Variants in OXR1 observed in about 807,000 individuals in gnomAD.
OXR1 encodes the protein oxidation resistance 1, also known as oxidation resistance protein 1.
In OXR1, 41 loss-of-function variants were observed where a neutral mutation model predicts 104.6. The observed-to-expected ratio is 0.39, with a 90% CI of 0.31 to 0.51. OXR1 has a LOEUF of 0.51. OXR1 is among the 20% of genes least tolerant of loss of function. OXR1 has a pLI of 0.77. For missense variants in OXR1, 955 were observed against 1,031.9 expected (o/e 0.93, Z 1.02); for synonymous variants, 348 against 348.4 (o/e 1.00, Z 0.01).
At chr8:106,506,322 A>T (rs1812152841) in intron 2 of OXR1, among the ~76,000 whole-genome samples, 1 of 152,208 alleles carries the variant, frequency 6.6e-6, no homozygotes. Context: ...AGGTAAAAAC[A>T]GAGAGTTTTG....
At chr8:106,445,883 T>C in intron 2 of OXR1, among the ~76,000 whole-genome samples, 1 of 152,214 alleles carries the variant, frequency 6.6e-6, no homozygotes, top group Non-Finnish European at 1.5e-5. Context: ...AGCCAGGCTA[T>C]GTCCTTTCTT....
intron 2 of OXR1, among the ~76,000 whole-genome samples, chr8:106,466,904 T>A (rs1821202287): frequency 2.0e-5 from 3 of 151,968 alleles, no homozygotes; most frequent in Admixed American, 2.0e-4. Flanking sequence ...TTATTTGATA[T>A]TGTACAGCTG....
Position 106,706,778 on chromosome 8 carries a change from G to A in OXR1, c.1257G>A (p.Met419Ile). ...AAACTGATTTAAATAATCTTGAAATGGCCATTAAGGAAGATCAGATTGCAG... is the reference window on the plus strand; with the variant it reads ...AAACTGATTTAAATAATCTTGAAATAGCCATTAAGGAAGATCAGATTGCAG... ...CHKTDLNNLE[M>I]AIKEDQIADN... The change falls in exon 9 of 17, where the codon ATG becomes ATA. Residue 419 changes from methionine to isoleucine, a missense_variant. Met to Ile is a conservative substitution (Grantham distance 10, BLOSUM62 1). This residue lies in a region of OXR1 where 849 missense variants were observed against 852.9 expected (regional missense o/e 1.00). Transcript: ENST00000517566. 1 of 1,612,474 alleles carries A rather than the reference G, an allele frequency of 6.2e-7. No homozygotes were observed. The highest frequency in any genetic ancestry group is 2.2e-5 in the East Asian group (1 of 44,854).
At chr8:106,318,853 A>G (rs532601297) in intron 1 of OXR1, among the ~76,000 whole-genome samples, 88 of 152,332 alleles carry the variant, frequency 5.8e-4, no homozygotes, top group Non-Finnish European at 1.1e-3. Flanking sequence ...TAAAGGAGAG[A>G]AATAAATGAA....
At chr8:106,387,720 T>C (rs939219495) in intron 2 of OXR1, among the ~76,000 whole-genome samples, 2 of 152,170 alleles carry the variant, frequency 1.3e-5, no homozygotes, top group Non-Finnish European at 2.9e-5. Flanking sequence ...AAATAGATCA[T>C]TGGAGGACAC....
At position 106,751,700 on chromosome 8, in the gene OXR1, A is replaced by G. The variant is rs28924709; in HGVS notation, c.*759A>G. The G allele has an allele frequency of 0.022, 3,412 of 152,668 alleles. 41 individuals are homozygous for G. The highest frequency in any genetic ancestry group is 0.039 in the East Asian group (202 of 5,190). 9.5% of individuals were successfully genotyped at this position (152,668 alleles called of 1,614,324 possible). Reference sequence around the variant, plus strand: ...ATTTAATATATTAGCAAGAAAACATACTATTTACATATGTGTAGCTTAGTA... The same window carrying G: ...ATTTAATATATTAGCAAGAAAACATGCTATTTACATATGTGTAGCTTAGTA... On this transcript the variant is annotated 3_prime_UTR_variant, in exon 17 of 17. Transcript: ENST00000517566.
rs1474495157 is a variant in OXR1, at chr8:106,752,143, G to A, written c.*1202G>A. 6.6e-6 allele frequency: 1 copy of A among 152,528 alleles called. No individual in the cohort carries two copies. The highest frequency in any genetic ancestry group is 2.4e-5 in the African/African-American group (1 of 41,442). The allele number at this position is 152,528 out of a possible 1,614,324, so 9.4% of individuals were successfully genotyped here. ...ATGTTATGCAAAAAAGAATCCTGCT[G>A]TTATACATGTGACAGTGACTTTGTG... On this transcript the variant is annotated 3_prime_UTR_variant, in exon 17 of 17. Transcript: ENST00000517566.
intron 3 of OXR1, among the ~76,000 whole-genome samples, chr8:106,583,495 C>T (rs970733217): frequency 3.9e-5 from 6 of 152,048 alleles, no homozygotes; most frequent in South Asian, 2.1e-4. Flanking sequence ...TAAAAGATGG[C>T]GGATTAAATG....
intron 3 of OXR1, among the ~76,000 whole-genome samples, chr8:106,663,203 A>G (rs753530564): frequency 6.6e-6 from 1 of 152,214 alleles, no homozygotes; most frequent in Non-Finnish European, 1.5e-5. Flanking sequence ...ACCTGATGAC[A>G]TAGTACTATT....
At chr8:106,436,425 A>C (rs1819571475) in intron 2 of OXR1, among the ~76,000 whole-genome samples, 1 of 152,082 alleles carries the variant, frequency 6.6e-6, no homozygotes, top group African/African-American at 2.4e-5. Context: ...TTTAAAATCC[A>C]AATAGCCACC....
chr8:106,463,910 A>G (rs1305464386), intron 2 of OXR1, among the ~76,000 whole-genome samples: 1 of 152,134 alleles, frequency 6.6e-6, no homozygotes, highest in African/African-American at 2.4e-5. Context: ...TGTGTAGCAC[A>G]GAGTCAATTA....
intron 8 of OXR1, among the ~76,000 whole-genome samples, chr8:106,704,798 C>T (rs776942): frequency 0.13 from 20,008 of 152,112 alleles, 1,591 homozygotes; most frequent in Non-Finnish European, 0.18. Context: ...CCTTTCAAAT[C>T]ACTGTTTTGT....
intron 3 of OXR1, among the ~76,000 whole-genome samples, chr8:106,660,441 GTTCT>G (rs1430819725): frequency 2.0e-5 from 3 of 152,090 alleles, no homozygotes; most frequent in Non-Finnish European, 2.9e-5. Context: ...TCTTTCTTCA[GTTCT>G]TTAAGAAGCC....
At chr8:106,476,867 A>G (rs1247374556) in intron 2 of OXR1, among the ~76,000 whole-genome samples, 1 of 151,850 alleles carries the variant, frequency 6.6e-6, no homozygotes, top group Non-Finnish European at 1.5e-5. Context: ...CTGGAATCCT[A>G]TTTGAGTCTG....
At chr8:106,705,953 A>G (rs971774310) in intron 8 of OXR1, among the ~76,000 whole-genome samples, 1 of 152,144 alleles carries the variant, frequency 6.6e-6, no homozygotes, top group African/African-American at 2.4e-5. Context: ...GTGTATATCT[A>G]TGGAAATCAG....
intron 3 of OXR1, among the ~76,000 whole-genome samples, chr8:106,564,706 C>T (rs1816945433): frequency 6.6e-6 from 1 of 152,164 alleles, no homozygotes; most frequent in Non-Finnish European, 1.5e-5. Flanking sequence ...GCCAATATCC[C>T]TGATGAACAT....
intron 3 of OXR1, among the ~76,000 whole-genome samples, chr8:106,551,815 C>T (rs200567183): frequency 0.044 from 2,686 of 60,838 alleles, 90 homozygotes; most frequent in African/African-American, 0.1. Flanking sequence ...TATATATATA[C>T]ACACACACAC....
chr8:106,471,342 G>C (rs1563544188), intron 2 of OXR1, among the ~76,000 whole-genome samples: 2 of 151,604 alleles, frequency 1.3e-5, no homozygotes, highest in Non-Finnish European at 3.0e-5. Flanking sequence ...ATTGCTTAGA[G>C]AGTTTTTCAT....
chr8:106,298,436 A>G (rs867863528), intron 1 of OXR1, among the ~76,000 whole-genome samples: 7 of 152,258 alleles, frequency 4.6e-5, no homozygotes, highest in Middle Eastern at 3.4e-3. Flanking sequence ...ACCCGTCCCC[A>G]TGATTCAGTT....
Sources: allele counts gnomAD v4.1 joint callset (sites outside exome capture counted in the v4.1 genomes callset), GRCh38; gene constraint gnomAD v4.1.1; regional missense constraint gnomAD v4.1.1; transcripts MANE v1.5; gene names NCBI Gene and HGNC (gene_info 2026-07-23, HGNC 2026-07-21).